The following RPS6KC1 variants were observed in gnomAD, a reference collection of about 807,000 sequenced individuals.
The protein encoded by RPS6KC1 is ribosomal protein S6 kinase C1.
RPS6KC1 carries 54 observed loss-of-function variants against 103.8 expected under a neutral mutation model. That is an observed-to-expected ratio of 0.52 (90% CI 0.42 to 0.65). The LOEUF is 0.65. RPS6KC1 is among the 30% of genes least tolerant of loss of function. The probability of loss-of-function intolerance (pLI) is 0.00; values close to 1 mark genes in which losing one functional copy is unlikely to be tolerated. For synonymous variants in RPS6KC1, 439 were observed against 438.7 expected, an observed-to-expected ratio of 1.00 and a Z score of -0.01; for missense variants, 1,151 against 1,253.8, an observed-to-expected ratio of 0.92 and a Z score of 1.24.
Position 213,241,716 on chromosome 1 carries a change from A to G in RPS6KC1, c.2240A>G (p.Lys747Arg), listed in dbSNP as rs200816287. The G allele has an allele frequency of 3.7e-5, 60 of 1,613,970 alleles. No homozygotes were observed. The East Asian group carries it at 1.3e-3, about 35-fold the overall frequency. ...STEQCQAHEE[K>R]GIEELSDPSG... ...GAACAATGCCAAGCACATGAGGAGA[A>G]AGGCATAGAGGAACTGAGTGATCCC... Residue 747 changes from lysine to arginine, a missense_variant, in exon 11 of 15, where the codon AAA becomes AGA. Physicochemically the swap from Lys to Arg is conservative, Grantham distance 26. Coordinates refer to ENST00000366960, the MANE Select transcript of RPS6KC1 (RefSeq NM_012424.6).
the RPS6KC1 span, among the ~76,000 whole-genome samples, chr1:213,828,674 G>A: frequency 6.6e-6 from 1 of 152,286 alleles, no homozygotes; most frequent in East Asian, 1.9e-4. Context: ...TCTTAGAGAA[G>A]TTGTCTGGCC....
At chr1:213,255,321 T>TA (rs376131332) in intron 12 of RPS6KC1, among the ~76,000 whole-genome samples, 1,428 of 138,896 alleles carry the variant, frequency 0.01, 7 homozygotes, top group African/African-American at 0.018. Context: ...ATGAGAACCT[T>TA]AAAAAAAAAA....
chr1:213,177,682 T>C (rs2091964189), intron 8 of RPS6KC1, among the ~76,000 whole-genome samples: 1 of 152,164 alleles, frequency 6.6e-6, no homozygotes, highest in South Asian at 2.1e-4. Context: ...GCTTTTCCAG[T>C]TTGGAAAACA....
the RPS6KC1 span, among the ~76,000 whole-genome samples, chr1:213,448,738 C>T: frequency 1.4e-5 from 2 of 146,936 alleles, no homozygotes; most frequent in Non-Finnish European, 1.5e-5. Context: ...TTTCAATCTC[C>T]ATCTCTTGGA....
intron 6 of RPS6KC1, among the ~76,000 whole-genome samples, chr1:213,146,423 ATT>A (rs1269987456): frequency 1.4e-4 from 20 of 138,892 alleles, no homozygotes; most frequent in Non-Finnish European, 1.3e-4. Flanking sequence ...TGGGATTGCA[ATT>A]TTTTTTTTTT....
chr1:213,394,437 C>A, the RPS6KC1 span, among the ~76,000 whole-genome samples: 1 of 152,112 alleles, frequency 6.6e-6, no homozygotes, highest in African/African-American at 2.4e-5. Context: ...CCCCCCTACC[C>A]CTCACCCCAC....
chr1:213,357,168 A>G, the RPS6KC1 span, among the ~76,000 whole-genome samples: 1 of 151,218 alleles, frequency 6.6e-6, no homozygotes, highest in Non-Finnish European at 1.5e-5. Flanking sequence ...ACCCAGTGAG[A>G]TCCAGGAATA....
chr1:213,328,532 A>ATATATATATATATC, the RPS6KC1 span, among the ~76,000 whole-genome samples: 2 of 101,556 alleles, frequency 2.0e-5, no homozygotes, highest in Admixed American at 9.9e-5. Flanking sequence ...ATATATATAT[A>ATATATATATATATC]TATATATATC....
the RPS6KC1 span, among the ~76,000 whole-genome samples, chr1:213,548,989 G>A: frequency 6.6e-6 from 1 of 152,168 alleles, no homozygotes; most frequent in Non-Finnish European, 1.5e-5. Context: ...CATGAACTGT[G>A]AGATCCCCTT....
chr1:213,545,701 A>C, the RPS6KC1 span, among the ~76,000 whole-genome samples: 2 of 151,868 alleles, frequency 1.3e-5, no homozygotes, highest in African/African-American at 2.4e-5. Context: ...CACTGGGGGG[A>C]CACAATTCAA....
chr1:213,394,430 C>T, the RPS6KC1 span, among the ~76,000 whole-genome samples: 12 of 152,110 alleles, frequency 7.9e-5, no homozygotes, highest in Non-Finnish European at 1.3e-4. Flanking sequence ...CCTCACACCC[C>T]CCTACCCCTC....
At chr1:213,250,640 G>T (rs1463665753) in intron 12 of RPS6KC1, among the ~76,000 whole-genome samples, 2 of 152,138 alleles carry the variant, frequency 1.3e-5, no homozygotes, top group Non-Finnish European at 2.9e-5. Flanking sequence ...CAAGTACAAG[G>T]TCCCTGTGAA....
chr1:213,770,607 A>G, the RPS6KC1 span, among the ~76,000 whole-genome samples: 11 of 152,332 alleles, frequency 7.2e-5, no homozygotes, highest in African/African-American at 2.6e-4. Context: ...GGCAGTGGAA[A>G]GACCCTCCCT....
the RPS6KC1 span, among the ~76,000 whole-genome samples, chr1:213,496,495 C>G: frequency 2.0e-5 from 3 of 152,164 alleles, no homozygotes; most frequent in African/African-American, 4.8e-5. Context: ...TGGTGACTCA[C>G]TCCCGTAATC....
At chr1:213,464,892 G>C in the RPS6KC1 span, among the ~76,000 whole-genome samples, 3 of 151,986 alleles carry the variant, frequency 2.0e-5, no homozygotes, top group Non-Finnish European at 4.4e-5. Flanking sequence ...TTAGGACCAA[G>C]ACAGTCATTC....
At chr1:213,443,892 C>A in the RPS6KC1 span, among the ~76,000 whole-genome samples, 17 of 135,004 alleles carry the variant, frequency 1.3e-4, no homozygotes, top group Non-Finnish European at 1.3e-4. Context: ...CAGAATGAGA[C>A]CCTGTCTCAA....
At chr1:213,674,400 C>A in the RPS6KC1 span, among the ~76,000 whole-genome samples, 3 of 152,172 alleles carry the variant, frequency 2.0e-5, no homozygotes, top group Non-Finnish European at 2.9e-5. Context: ...TGTTCTGTTC[C>A]TATATTAGTG....
the RPS6KC1 span, among the ~76,000 whole-genome samples, chr1:213,481,619 A>C: frequency 6.6e-6 from 1 of 152,260 alleles, no homozygotes; most frequent in South Asian, 2.1e-4. Context: ...GTATTTGTCT[A>C]GTATATCTTT....
the RPS6KC1 span, among the ~76,000 whole-genome samples, chr1:213,593,168 A>G: frequency 1.3e-5 from 2 of 151,674 alleles, no homozygotes; most frequent in African/African-American, 4.8e-5. Flanking sequence ...GGAAGGTGAC[A>G]GAGTCAGAGA....
Sources: allele counts gnomAD v4.1 joint callset (sites outside exome capture counted in the v4.1 genomes callset), GRCh38; gene constraint gnomAD v4.1.1; transcripts MANE v1.5; gene names NCBI Gene and HGNC (gene_info 2026-07-23, HGNC 2026-07-21).